Variants in STK32B observed in about 807,000 individuals in gnomAD.
The protein encoded by STK32B is serine/threonine kinase 32B.
A neutral mutation model predicts 52.6 loss-of-function variants in STK32B; 43 were observed. That is an observed-to-expected ratio of 0.82 (90% CI 0.64 to 1.05). The LOEUF is 1.05. Among genes scored for constraint, STK32B ranks in the 50% least tolerant of loss-of-function variants. The pLI is 0.00. For synonymous variants in STK32B, 238 were observed against 204.3 expected (o/e 1.17, Z -1.41); for missense variants, 621 against 534.6 (o/e 1.16, Z -1.59).
chr4:5,385,575 G>T (rs1255612469), intron 4 of STK32B, among the ~76,000 whole-genome samples: 1 of 151,994 alleles, frequency 6.6e-6, no homozygotes, highest in East Asian at 1.9e-4. Flanking sequence ...TACTAGGTTG[G>T]AATTTTATCA....
chr4:5,035,745 T>C, the STK32B span, among the ~76,000 whole-genome samples: 9 of 152,308 alleles, frequency 5.9e-5, no homozygotes, highest in Admixed American at 2.0e-4. Context: ...AATTAGAATG[T>C]ATTTTCATCA....
intron 4 of STK32B, among the ~76,000 whole-genome samples, chr4:5,340,411 A>G (rs1443608758): frequency 6.6e-6 from 1 of 152,206 alleles, no homozygotes; most frequent in African/African-American, 2.4e-5. Context: ...AGGAATGCAG[A>G]AGGCACTGGG....
chr4:5,249,498 C>A (rs1725755900), intron 3 of STK32B, among the ~76,000 whole-genome samples: 2 of 135,764 alleles, frequency 1.5e-5, no homozygotes, highest in Admixed American at 7.4e-5. Flanking sequence ...TTCCTTCCTT[C>A]CTTCCTCCCT....
chr4:5,408,957 G>A (rs1276841296), intron 5 of STK32B, among the ~76,000 whole-genome samples: 1 of 152,112 alleles, frequency 6.6e-6, no homozygotes, highest in Non-Finnish European at 1.5e-5. Flanking sequence ...GAAGACAATG[G>A]GGCTCAGAGT....
At chr4:5,418,856 C>A (rs1420067064) in intron 6 of STK32B, among the ~76,000 whole-genome samples, 2 of 152,166 alleles carry the variant, frequency 1.3e-5, no homozygotes, top group African/African-American at 2.4e-5. Flanking sequence ...GTTAGAGTTG[C>A]ACATGGGTAT....
intron 3 of STK32B, among the ~76,000 whole-genome samples, chr4:5,249,381 T>A (rs1725719070): frequency 6.6e-6 from 1 of 152,168 alleles, no homozygotes; most frequent in Non-Finnish European, 1.5e-5. Context: ...GATTAGTGAA[T>A]GAATTATGAC....
intron 1 of STK32B, among the ~76,000 whole-genome samples, chr4:5,081,895 G>C (rs1441727126): frequency 6.6e-6 from 1 of 152,078 alleles, no homozygotes; most frequent in Non-Finnish European, 1.5e-5. Flanking sequence ...CTTTGGGGTT[G>C]GTTAATGGAA....
chr4:5,439,495 G>A (rs1714489055), intron 6 of STK32B, among the ~76,000 whole-genome samples: 1 of 151,604 alleles, frequency 6.6e-6, no homozygotes, highest in Non-Finnish European at 1.5e-5. Context: ...TGTAGATTCT[G>A]GATATTAGCC....
At chr4:5,412,928 A>G (rs1711819746) in intron 5 of STK32B, among the ~76,000 whole-genome samples, 1 of 152,028 alleles carries the variant, frequency 6.6e-6, no homozygotes, top group Non-Finnish European at 1.5e-5. Flanking sequence ...CTCAGCCCAG[A>G]AGGTCTGACA....
At chr4:5,163,061 T>C (rs191963577) in intron 2 of STK32B, among the ~76,000 whole-genome samples, 1 of 152,288 alleles carries the variant, frequency 6.6e-6, no homozygotes, top group Admixed American at 6.5e-5. Context: ...ACCGAGCATG[T>C]ATGAAATTCA....
chr4:5,250,780 C>T (rs956274418), intron 3 of STK32B, among the ~76,000 whole-genome samples: 12 of 152,116 alleles, frequency 7.9e-5, no homozygotes, highest in Non-Finnish European at 2.9e-5. Context: ...GATGGCATCT[C>T]ATTGTGGTTT....
chr4:5,366,603 C>T (rs951007270), intron 4 of STK32B, among the ~76,000 whole-genome samples: 3 of 152,228 alleles, frequency 2.0e-5, no homozygotes, highest in East Asian at 1.9e-4. Flanking sequence ...GCAAGAGGCA[C>T]GGGTGGCCCA....
chr4:5,356,269 C>T (rs1431087481), intron 4 of STK32B, among the ~76,000 whole-genome samples: 3 of 152,154 alleles, frequency 2.0e-5, no homozygotes, highest in Admixed American at 1.3e-4. Context: ...CCCTGTCTTC[C>T]TGTCTCAAAT....
chr4:5,179,896 T>C (rs1259526137), intron 3 of STK32B, among the ~76,000 whole-genome samples: 29 of 152,184 alleles, frequency 1.9e-4, no homozygotes, highest in Admixed American at 1.8e-3. Context: ...CGGGTCCCAT[T>C]TCTCCTGCCA....
chr4:5,494,118 A>G (rs994292724), intron 11 of STK32B, among the ~76,000 whole-genome samples: 1 of 152,116 alleles, frequency 6.6e-6, no homozygotes, highest in Admixed American at 6.6e-5. Context: ...AGCTGAGTTC[A>G]ATTCCTGGGT....
At chr4:5,174,596 A>T (rs1006151791) in intron 3 of STK32B, among the ~76,000 whole-genome samples, 1 of 152,198 alleles carries the variant, frequency 6.6e-6, no homozygotes, top group Non-Finnish European at 1.5e-5. Flanking sequence ...TCTGGGTTGA[A>T]AATTCTTTTA....
chr4:5,446,599 T>G lies in STK32B; in HGVS notation c.563-74T>G, dbSNP rs549810177. The G allele has an allele frequency of 6.2e-4, 749 of 1,216,470 alleles. 2 individuals are homozygous for G. Among genetic ancestry groups the G allele is most frequent in the Admixed American group, 2.5e-4 (13 of 52,608 alleles). 75.4% of individuals were successfully genotyped at this position (1,216,470 alleles called of 1,614,324 possible). On this transcript the variant is annotated intron_variant, in intron 6 of 11. Transcript: ENST00000282908. Reference sequence around the variant, plus strand: ...AAAAAAACAAGCTCAATTTCTCTCCTTGTCCCCTCTCTAAGGGGTGGTGGC... The same window carrying G: ...AAAAAAACAAGCTCAATTTCTCTCCGTGTCCCCTCTCTAAGGGGTGGTGGC...
intron 1 of STK32B, among the ~76,000 whole-genome samples, chr4:5,134,521 A>T (rs928021729): frequency 2.0e-5 from 3 of 152,232 alleles, no homozygotes; most frequent in Non-Finnish European, 2.9e-5. Context: ...TGAAAAAATA[A>T]TTAAAAATAA....
intron 3 of STK32B, among the ~76,000 whole-genome samples, chr4:5,286,290 T>A (rs1368079783): frequency 6.6e-6 from 1 of 152,192 alleles, no homozygotes; most frequent in Non-Finnish European, 1.5e-5. Context: ...AACTAACAAG[T>A]CATCTATAAG....
Sources: allele counts gnomAD v4.1 joint callset (sites outside exome capture counted in the v4.1 genomes callset), GRCh38; gene constraint gnomAD v4.1.1; transcripts MANE v1.5; gene names NCBI Gene and HGNC (gene_info 2026-07-23, HGNC 2026-07-21).